BCL2: variants seen among roughly 807,000 people sequenced by gnomAD.
BCL2 encodes the protein apoptosis regulator Bcl-2.
In BCL2, 1 loss-of-function variant was observed where a neutral mutation model predicts 14.2. That is an observed-to-expected ratio of 0.07 (90% CI 0.02 to 0.33). The LOEUF (loss-of-function observed/expected upper bound fraction) is 0.33, where lower values mean the gene tolerates loss of function less well. Among genes scored for constraint, BCL2 ranks in the 10% least tolerant of loss-of-function variants. The pLI is 0.99. For missense variants in BCL2, 247 were observed against 305.9 expected, an observed-to-expected ratio of 0.81 and a Z score of 1.44; for synonymous variants, 151 against 137.2, an observed-to-expected ratio of 1.10 and a Z score of -0.70.
At chr18:63,193,221 C>CA (rs1481724227) in intron 2 of BCL2, among the ~76,000 whole-genome samples, 1 of 152,216 alleles carries the variant, frequency 6.6e-6, no homozygotes, top group Non-Finnish European at 1.5e-5. Context: ...GATCAATCTA[C>CA]AAAAATGATA....
chr18:63,144,605 A>G (rs1048119446), intron 2 of BCL2, among the ~76,000 whole-genome samples: 5 of 152,148 alleles, frequency 3.3e-5, no homozygotes, highest in African/African-American at 1.2e-4. Flanking sequence ...ACGCTCAAGA[A>G]ATGTACCAAG....
chr18:63,210,172 C>T (rs1393284808), intron 2 of BCL2, among the ~76,000 whole-genome samples: 3 of 152,130 alleles, frequency 2.0e-5, no homozygotes, highest in Non-Finnish European at 2.9e-5. Context: ...TCTAGGACTT[C>T]GGGGTCCTAA....
chr18:63,197,064 G>A (rs1909464858), intron 2 of BCL2, among the ~76,000 whole-genome samples: 1 of 152,198 alleles, frequency 6.6e-6, no homozygotes, highest in African/African-American at 2.4e-5. Flanking sequence ...AACAGAAATA[G>A]GATGACGATA....
rs1413085128 is a variant in BCL2, at chr18:63,149,029, GC to G, written c.586-20271del. On this transcript the variant is annotated intron_variant, in intron 2 of 2. Transcript: ENST00000333681. This position sits in a 1 kb window ranked among gnomAD's most constrained non-coding sequence, Gnocchi z 4.2. ...CTATGACTCCCAGCTAAACGGGCCT[GC>G]CCAGAGCCACGAAGTCATAAGTGTG... is the stretch of plus-strand genomic sequence containing the variant. Among the ~76,000 whole-genome samples the G allele has an allele frequency of 1.3e-5, 2 of 152,180 alleles. No individual in the cohort carries two copies. Among genetic ancestry groups the G allele is most frequent in the African/African-American group, 4.8e-5 (2 of 41,454 alleles).
intron 2 of BCL2, chr18:63,316,500 C>G (rs562914166): frequency 6.6e-5 from 10 of 152,244 alleles, no homozygotes; most frequent in Admixed American, 3.3e-4. Context: ...TCTTTTCACC[C>G]TTTAGCAAAT....
At chr18:63,143,849 C>T (rs149330143) in intron 2 of BCL2, among the ~76,000 whole-genome samples, 2 of 152,298 alleles carry the variant, frequency 1.3e-5, no homozygotes, top group Non-Finnish European at 2.9e-5. Context: ...ATTTACTGAC[C>T]GCCTGAGTTG....
intron 2 of BCL2, among the ~76,000 whole-genome samples, chr18:63,270,872 C>T (rs749287907): frequency 2.6e-5 from 4 of 151,702 alleles, no homozygotes; most frequent in South Asian, 2.1e-4. Context: ...GGCTGGAGTA[C>T]GGTGGTGCGA....
At chr18:63,241,994 C>A (rs572306261) in intron 2 of BCL2, among the ~76,000 whole-genome samples, 74 of 152,274 alleles carry the variant, frequency 4.9e-4, no homozygotes, top group African/African-American at 1.7e-3. Flanking sequence ...ATACAACAAA[C>A]AATGTACCAA....
chr18:63,225,457 A>G (rs1026067200), intron 2 of BCL2, among the ~76,000 whole-genome samples: 70 of 152,370 alleles, frequency 4.6e-4, no homozygotes, highest in East Asian at 3.1e-3. Flanking sequence ...TAAAATATAC[A>G]AAGTTATATT....
chr18:63,146,150 C>T (rs1340019144), intron 2 of BCL2, among the ~76,000 whole-genome samples: 1 of 152,204 alleles, frequency 6.6e-6, no homozygotes, highest in African/African-American at 2.4e-5. Context: ...CCCCACAACC[C>T]GTTCTCCATT....
At chr18:63,236,524 T>A (rs1910834016) in intron 2 of BCL2, among the ~76,000 whole-genome samples, 2 of 152,180 alleles carry the variant, frequency 1.3e-5, no homozygotes, top group South Asian at 4.1e-4. Flanking sequence ...TTGACGCAAC[T>A]TAGGGCAGGC....
chr18:63,171,075 G>GA (rs1314346275), intron 2 of BCL2, among the ~76,000 whole-genome samples: 1 of 152,150 alleles, frequency 6.6e-6, no homozygotes, highest in Non-Finnish European at 1.5e-5. Context: ...CTGTTATAAT[G>GA]TTTTCCTCTA....
chr18:63,309,504 C>A (rs1913239830), intron 2 of BCL2, among the ~76,000 whole-genome samples: 1 of 152,238 alleles, frequency 6.6e-6, no homozygotes, highest in East Asian at 1.9e-4. Context: ...TTCCCTCCCT[C>A]ATTCCTCACA....
chr18:63,225,719 G>A (rs529704118), intron 2 of BCL2, among the ~76,000 whole-genome samples: 1 of 152,320 alleles, frequency 6.6e-6, no homozygotes, highest in African/African-American at 2.4e-5. Flanking sequence ...CACCCCTCAC[G>A]GAGGTGGAGC....
At chr18:63,283,277 T>C (rs1289927464) in intron 2 of BCL2, among the ~76,000 whole-genome samples, 1 of 152,236 alleles carries the variant, frequency 6.6e-6, no homozygotes, top group African/African-American at 2.4e-5. Context: ...CTCTCAGAAT[T>C]AAAAACATTC....
chr18:63,317,685 G>C, intron 2 of BCL2: 2 of 1,059,312 alleles, frequency 1.9e-6, no homozygotes, highest in Non-Finnish European at 2.3e-6. Flanking sequence ...GACCCAACCT[G>C]GTATCTGGTT....
chr18:63,319,604 G>T lies in BCL2; in HGVS notation c.-717C>A, dbSNP rs2279115. 0.46 allele frequency: 102,971 copies of T among 225,270 alleles called. 25,508 individuals carry two copies. The highest frequency in any genetic ancestry group is 0.57 in the Admixed American group (9,997 of 17,518). 14.0% of individuals were successfully genotyped at this position (225,270 alleles called of 1,614,324 possible). A position where few individuals can be genotyped will look rare whatever the true frequency, so the allele number is the denominator to read the frequency against. ...CTCCCCAGGAGAGAGACAGGGGAGA[G>T]GGGACGATGAAGGAGCCGGGGACGG... On this transcript the variant is annotated 5_prime_UTR_variant, in exon 1 of 3. Transcript: ENST00000333681.
intron 2 of BCL2, 31 bp from the exon 3 acceptor site, chr18:63,128,790 GAA>G (rs777666443): frequency 1.3e-6 from 1 of 770,612 alleles, no homozygotes; most frequent in Non-Finnish European, 2.4e-6. Flanking sequence ...GGAAGAAAAA[GAA>G]AGAGTATTAG....
intron 2 of BCL2, among the ~76,000 whole-genome samples, chr18:63,209,331 G>GATGT (rs1449801704): frequency 6.6e-6 from 1 of 152,144 alleles, no homozygotes; most frequent in Non-Finnish European, 1.5e-5. Flanking sequence ...GGGTTTAGTA[G>GATGT]ATGTCCGCCT....
Sources: gnomAD v4.1 joint callset for allele counts (sites outside exome capture counted in the v4.1 genomes callset) on GRCh38, gnomAD v4.1.1 for gene constraint, Gnocchi (gnomAD v3.1) non-coding constraint, MANE v1.5 for transcripts, NCBI Gene and HGNC (gene_info 2026-07-23, HGNC 2026-07-21) for gene names.